The following TRPC4 variants were observed in gnomAD, a reference collection of about 807,000 sequenced individuals.
The protein encoded by TRPC4 is short transient receptor potential channel 4.
A neutral mutation model predicts 99.4 loss-of-function variants in TRPC4; 49 were observed. The ratio of observed to expected loss-of-function variants is 0.49; its 90% CI spans 0.39 to 0.63. TRPC4 has a LOEUF of 0.63. Among genes scored for constraint, TRPC4 ranks in the 20% least tolerant of loss-of-function variants. TRPC4 has a pLI of 0.00. For synonymous variants in TRPC4, 454 were observed against 425.9 expected (o/e 1.07, Z -0.81); for missense variants, 898 against 1,152.9 (o/e 0.78, Z 3.20).
At chr13:37,647,460 G>A (rs993871629) in intron 8 of TRPC4, among the ~76,000 whole-genome samples, 13 of 152,192 alleles carry the variant, frequency 8.5e-5, no homozygotes, top group South Asian at 2.1e-4. Flanking sequence ...TGCAAAGGCT[G>A]CTGAGAACAA....
intron 5 of TRPC4, among the ~76,000 whole-genome samples, chr13:37,669,798 A>G (rs1372943029): frequency 6.6e-6 from 1 of 152,192 alleles, no homozygotes; most frequent in African/African-American, 2.4e-5. Context: ...AGTCACAGCA[A>G]TTCCATGGCC....
intron 1 of TRPC4, among the ~76,000 whole-genome samples, chr13:37,832,561 AACTC>A (rs1958452176): frequency 6.6e-6 from 1 of 152,052 alleles, no homozygotes; most frequent in Non-Finnish European, 1.5e-5. Flanking sequence ...CAACAACAAA[AACTC>A]AATTTATCTG....
intron 3 of TRPC4, among the ~76,000 whole-genome samples, chr13:37,696,671 A>T (rs7317546): frequency 0.39 from 59,938 of 151,948 alleles, 12,162 homozygotes; most frequent in African/African-American, 0.44. Context: ...TATCATAGTG[A>T]TTTACATAAG....
intron 2 of TRPC4, among the ~76,000 whole-genome samples, chr13:37,762,310 G>A (rs372634573): frequency 8.6e-5 from 13 of 151,754 alleles, no homozygotes; most frequent in African/African-American, 3.1e-4. Context: ...TCAGTGTGGC[G>A]ATTCCTCAGG....
chr13:37,864,358 C>T (rs976357838), intron 1 of TRPC4, among the ~76,000 whole-genome samples: 5 of 151,598 alleles, frequency 3.3e-5, no homozygotes, highest in African/African-American at 1.2e-4. Flanking sequence ...TATATAAATC[C>T]TATAAAAATG....
At chr13:37,798,600 T>G (rs1957314868) in intron 1 of TRPC4, among the ~76,000 whole-genome samples, 2 of 152,058 alleles carry the variant, frequency 1.3e-5, no homozygotes, top group East Asian at 1.9e-4. Context: ...AGATGAAAAG[T>G]GAAAAAAATA....
chr13:37,827,762 G>T (rs1362387988), intron 1 of TRPC4, among the ~76,000 whole-genome samples: 2 of 152,232 alleles, frequency 1.3e-5, no homozygotes, highest in Non-Finnish European at 2.9e-5. Context: ...GGAGCCTACA[G>T]AGGCAGGCAG....
chr13:37,857,313 A>G (rs1454799236), intron 1 of TRPC4, among the ~76,000 whole-genome samples: 2 of 151,790 alleles, frequency 1.3e-5, no homozygotes, highest in Non-Finnish European at 3.0e-5. Context: ...ATGGATTGGA[A>G]GAATCAATAC....
At chr13:37,675,445 C>G (rs567209677) in intron 4 of TRPC4, among the ~76,000 whole-genome samples, 1 of 152,094 alleles carries the variant, frequency 6.6e-6, no homozygotes, top group South Asian at 2.1e-4. Context: ...AGACTAGAAT[C>G]CCTGGGAGCC....
chr13:37,846,435 TA>T (rs1490930895), intron 1 of TRPC4, among the ~76,000 whole-genome samples: 1 of 152,050 alleles, frequency 6.6e-6, no homozygotes, highest in Non-Finnish European at 1.5e-5. Context: ...ATTAAATTAA[TA>T]AAAAGTATGT....
intron 1 of TRPC4, among the ~76,000 whole-genome samples, chr13:37,868,365 C>A (rs1447993947): frequency 6.6e-6 from 1 of 151,706 alleles, no homozygotes; most frequent in Non-Finnish European, 1.5e-5. Context: ...AGAAAGTAGG[C>A]GCTACAAATG....
chr13:37,647,106 C>T (rs1250910843), intron 8 of TRPC4, among the ~76,000 whole-genome samples: 5 of 152,102 alleles, frequency 3.3e-5, no homozygotes, highest in African/African-American at 1.2e-4. Flanking sequence ...ATAAATAGCA[C>T]GATAAGATCA....
At chr13:37,773,139 T>A (rs1267099384) in intron 2 of TRPC4, among the ~76,000 whole-genome samples, 1 of 151,730 alleles carries the variant, frequency 6.6e-6, no homozygotes, top group Non-Finnish European at 1.5e-5. Context: ...ATCAAAAGCA[T>A]GGAAAGAACT....
chr13:37,768,659 T>C (rs1181453834), intron 2 of TRPC4, among the ~76,000 whole-genome samples: 1 of 112,274 alleles, frequency 8.9e-6, no homozygotes, highest in African/African-American at 3.7e-5. Flanking sequence ...AATACACACA[T>C]ACGAACACAC....
chr13:37,744,753 AG>A (rs1348027249), intron 3 of TRPC4, among the ~76,000 whole-genome samples: 1 of 152,110 alleles, frequency 6.6e-6, no homozygotes, highest in African/African-American at 2.4e-5. Context: ...AGCATTTCCA[AG>A]TATTGTTCTG....
chr13:37,634,906 T>C lies in TRPC4; in HGVS notation c.*1997A>G, dbSNP rs1030031846. On this transcript the variant is annotated 3_prime_UTR_variant, in exon 11 of 11. Transcript: ENST00000379705. ...ATGCATTCATTTAGGCTTGTGTTTC[T>C]CCAAATCTATCTGGCCCATTCCTAA... is the stretch of plus-strand genomic sequence containing the variant. 2.0e-5 allele frequency among the ~76,000 whole-genome samples: 3 copies of C among 152,088 alleles called. No homozygotes were observed. The highest frequency in any genetic ancestry group is 6.6e-5 in the Admixed American group (1 of 15,238).
intron 1 of TRPC4, among the ~76,000 whole-genome samples, chr13:37,790,336 G>A (rs1359780896): frequency 2.6e-5 from 4 of 152,094 alleles, no homozygotes; most frequent in Non-Finnish European, 5.9e-5. Flanking sequence ...CTCCCTTAGG[G>A]ACAGAAAATA....
At chr13:37,687,757 G>A (rs1042710502) in intron 4 of TRPC4, among the ~76,000 whole-genome samples, 1 of 152,176 alleles carries the variant, frequency 6.6e-6, no homozygotes, top group African/African-American at 2.4e-5. Context: ...CTAGCCTCGA[G>A]CTCTTTCTAA....
At chr13:37,868,780 G>C (rs978080530) in intron 1 of TRPC4, among the ~76,000 whole-genome samples, 5 of 152,116 alleles carry the variant, frequency 3.3e-5, no homozygotes, top group African/African-American at 7.2e-5. Flanking sequence ...TGTGAACAGG[G>C]ATACACCATA....
Sources: allele counts gnomAD v4.1 joint callset (sites outside exome capture counted in the v4.1 genomes callset), GRCh38; gene constraint gnomAD v4.1.1; transcripts MANE v1.5; gene names NCBI Gene and HGNC (gene_info 2026-07-23, HGNC 2026-07-21).